Variants in ABCB4 observed in about 807,000 individuals in gnomAD.
ABCB4 encodes the protein phosphatidylcholine translocator ABCB4.
A neutral mutation model predicts 145.7 loss-of-function variants in ABCB4; 76 were observed. The ratio of observed to expected loss-of-function variants is 0.52; its 90% CI spans 0.43 to 0.63. The LOEUF is 0.63. Among genes scored for constraint, ABCB4 ranks in the 30% least tolerant of loss-of-function variants. ABCB4 has a pLI of 0.00. For missense variants in ABCB4, 1,234 were observed against 1,553.1 expected (o/e 0.79, Z 3.45); for synonymous variants, 517 against 566.8 (o/e 0.91, Z 1.25).
chr7:87,377,456 T>G, the ABCB4 span: 1 of 1,515,902 alleles, frequency 6.6e-7, no homozygotes, highest in Non-Finnish European at 9.1e-7. Context: ...GTGATGTAAG[T>G]AAACTACTGA....
the ABCB4 span, among the ~76,000 whole-genome samples, chr7:87,374,431 C>T: frequency 1.3e-5 from 2 of 151,990 alleles, no homozygotes; most frequent in Admixed American, 6.6e-5. Context: ...AGTCAAAACT[C>T]GTGCTTTGAG....
At chr7:87,375,579 G>A in the ABCB4 span, 4 of 1,347,264 alleles carry the variant, frequency 3.0e-6, no homozygotes, top group African/African-American at 1.4e-5. Flanking sequence ...AAAGGCCAAA[G>A]TAGTTACTTT....
the ABCB4 span, among the ~76,000 whole-genome samples, chr7:87,379,864 A>G: frequency 6.6e-6 from 1 of 152,188 alleles, no homozygotes; most frequent in Admixed American, 6.5e-5. Flanking sequence ...CTATAATCCC[A>G]GCACTTTGGG....
intron 15 of ABCB4, among the ~76,000 whole-genome samples, chr7:87,431,011 A>G (rs533488105): frequency 6.6e-6 from 1 of 152,260 alleles, no homozygotes; most frequent in Admixed American, 6.5e-5. Context: ...CTTGTCAATG[A>G]CTTCCCTAAA....
At chr7:87,405,536 CCCG>C (rs1391787308) in intron 26 of ABCB4, among the ~76,000 whole-genome samples, 1 of 150,546 alleles carries the variant, frequency 6.6e-6, no homozygotes, top group African/African-American at 2.4e-5. Context: ...AGGCGATTCT[CCCG>C]CCTCAGCCTC....
At chr7:87,471,224 G>A (rs186332973) in intron 3 of ABCB4, among the ~76,000 whole-genome samples, 5 of 152,016 alleles carry the variant, frequency 3.3e-5, no homozygotes, top group Admixed American at 2.6e-4. Flanking sequence ...GTGGGGTGGG[G>A]GGATGGGGGA....
At chr7:87,392,908 C>T in the ABCB4 span, 1 of 1,612,800 alleles carries the variant, frequency 6.2e-7, no homozygotes, top group East Asian at 2.2e-5. Flanking sequence ...ATATAAGCAT[C>T]TGTAGGCCTA....
At chr7:87,390,872 G>C in the ABCB4 span, among the ~76,000 whole-genome samples, 1 of 152,146 alleles carries the variant, frequency 6.6e-6, no homozygotes, top group Non-Finnish European at 1.5e-5. Context: ...TTGTGGGTCA[G>C]TAATTTTATA....
At chr7:87,377,226 T>C in the ABCB4 span, 1 of 585,332 alleles carries the variant, frequency 1.7e-6, no homozygotes, top group East Asian at 2.9e-5. Flanking sequence ...ATAACTATAT[T>C]ATGATTTTAT....
chr7:87,395,257 C>G, the ABCB4 span, among the ~76,000 whole-genome samples: 1 of 77,204 alleles, frequency 1.3e-5, no homozygotes, highest in Non-Finnish European at 3.8e-5. Flanking sequence ...CTAAGCCAGT[C>G]TAGTCTTTTC....
intron 4 of ABCB4, among the ~76,000 whole-genome samples, chr7:87,461,229 G>A (rs555037154): frequency 6.8e-4 from 104 of 152,326 alleles, no homozygotes; most frequent in Admixed American, 3.9e-3. Flanking sequence ...GATTACAGGT[G>A]TGAACCACCA....
intron 19 of ABCB4, 65 bp downstream of exon 19, chr7:87,419,933 A>G: frequency 6.6e-7 from 1 of 1,512,676 alleles, no homozygotes; most frequent in East Asian, 2.3e-5. Flanking sequence ...CAATAAGAAC[A>G]GTAAGAAGCT....
chr7:87,414,121 G>A (rs1808811607), intron 21 of ABCB4, among the ~76,000 whole-genome samples: 1 of 152,182 alleles, frequency 6.6e-6, no homozygotes, highest in African/African-American at 2.4e-5. Context: ...AGGGCCTATT[G>A]GAGCTGCCAA....
the ABCB4 span, chr7:87,381,875 A>G: frequency 7.0e-7 from 1 of 1,427,420 alleles, no homozygotes; most frequent in East Asian, 2.3e-5. Flanking sequence ...AAGTTGACAT[A>G]AAGTATTCAG....
chr7:87,398,378 C>A (rs1020007846), downstream of ABCB4: 5 of 949,324 alleles, frequency 5.3e-6, no homozygotes, highest in Non-Finnish European at 8.4e-6. Context: ...GCTTTACCTT[C>A]AATTGTGTCA....
the ABCB4 span, among the ~76,000 whole-genome samples, chr7:87,372,786 T>G: frequency 6.6e-6 from 1 of 152,182 alleles, no homozygotes; most frequent in Admixed American, 6.5e-5. Context: ...TATGAATACT[T>G]TATTCCTTTT....
chr7:87,390,355 G>T, the ABCB4 span, among the ~76,000 whole-genome samples: 1 of 152,034 alleles, frequency 6.6e-6, no homozygotes, highest in Non-Finnish European at 1.5e-5. Context: ...CATTGCTAAG[G>T]TTCATTATTT....
At chr7:87,400,765 A>G (rs6465113), downstream of ABCB4, among the ~76,000 whole-genome samples, 3 of 152,162 alleles carry the variant, frequency 2.0e-5, no homozygotes, top group East Asian at 5.8e-4. Flanking sequence ...TCAGCCAGTG[A>G]GTATAATGCA....
At chr7:87,378,584 G>T in the ABCB4 span, among the ~76,000 whole-genome samples, 1 of 152,052 alleles carries the variant, frequency 6.6e-6, no homozygotes, top group African/African-American at 2.4e-5. Context: ...TGTGATTGTT[G>T]TACCAACAGT....
Sources: allele counts gnomAD v4.1 joint callset (sites outside exome capture counted in the v4.1 genomes callset), GRCh38; gene constraint gnomAD v4.1.1; transcripts MANE v1.5; gene names NCBI Gene and HGNC (gene_info 2026-07-23, HGNC 2026-07-21).